SGSM1: variants seen among roughly 807,000 people sequenced by gnomAD.
The protein encoded by SGSM1 is small G protein signaling modulator 1.
SGSM1 carries 73 observed loss-of-function variants against 133.8 expected under a neutral mutation model. The ratio of observed to expected loss-of-function variants is 0.55; its 90% CI spans 0.45 to 0.66. The LOEUF (loss-of-function observed/expected upper bound fraction) is 0.66, where lower values mean the gene tolerates loss of function less well. Among genes scored for constraint, SGSM1 ranks in the 30% least tolerant of loss-of-function variants. SGSM1 has a pLI of 0.00. For missense variants in SGSM1, 1,213 were observed against 1,448.1 expected, an observed-to-expected ratio of 0.84 and a Z score of 2.64; for synonymous variants, 563 against 573.0, an observed-to-expected ratio of 0.98 and a Z score of 0.25.
chr22:24,878,493 T>C (rs1932146517), intron 13 of SGSM1, among the ~76,000 whole-genome samples: 1 of 152,188 alleles, frequency 6.6e-6, no homozygotes, highest in Non-Finnish European at 1.5e-5. Flanking sequence ...CCTAACTGTC[T>C]CAATGTGCCT....
intron 22 of SGSM1, among the ~76,000 whole-genome samples, 191 bp downstream of exon 22, chr22:24,912,943 C>A (rs1206142450): frequency 6.6e-6 from 1 of 152,000 alleles, no homozygotes; most frequent in African/African-American, 2.4e-5. Context: ...GGTTTTCTCA[C>A]TTATATGAGT....
At chr22:24,841,396 G>T (rs1254931162) in intron 2 of SGSM1, among the ~76,000 whole-genome samples, 1 of 152,228 alleles carries the variant, frequency 6.6e-6, no homozygotes, top group African/African-American at 2.4e-5. Context: ...CCTGGAGAAT[G>T]TTCCATGTGC....
chr22:24,900,414 T>TCTTTCTCTTTCTTTCTTTCTTTCTTTC (rs1484572431), intron 19 of SGSM1, among the ~76,000 whole-genome samples: 1 of 146,164 alleles, frequency 6.8e-6, no homozygotes, highest in African/African-American at 2.6e-5. Flanking sequence ...TTTCTGTATT[T>TCTTTCTCTTTCTTTCTTTCTTTCTTTC]TTGAGACAGA....
At position 24,924,346 on chromosome 22, in the gene SGSM1, T is replaced by C; in HGVS notation, c.*72T>C. 1 of 1,387,998 alleles carries C rather than the reference T, an allele frequency of 7.2e-7. No homozygotes were observed. Among genetic ancestry groups the C allele is most frequent in the Non-Finnish European group, 1.0e-6 (1 of 982,650 alleles). 86.0% of individuals were successfully genotyped at this position (1,387,998 alleles called of 1,614,324 possible). On this transcript the variant is annotated 3_prime_UTR_variant, in exon 25 of 25. Coordinates refer to ENST00000400358, the MANE Select transcript of SGSM1 (RefSeq NM_001098497.3). The stretch of plus-strand genomic sequence containing the variant: ...TCCTCTGCTTACTTTTCCTCCTGGC[T>C]GGATGGGCACCCCGGGAGCGGGGTC...
intron 2 of SGSM1, among the ~76,000 whole-genome samples, chr22:24,813,191 A>G (rs1453737406): frequency 6.6e-6 from 1 of 152,206 alleles, no homozygotes; most frequent in Non-Finnish European, 1.5e-5. Flanking sequence ...CTGGGAGGCC[A>G]GTGAGGCTGG....
intron 2 of SGSM1, among the ~76,000 whole-genome samples, chr22:24,815,513 C>T (rs10854780): frequency 0.054 from 8,228 of 152,132 alleles, 435 homozygotes; most frequent in Admixed American, 0.15. Context: ...GAGGCCGAGG[C>T]AGGCGGATCA....
At chr22:24,882,246 T>A (rs1339643386) in intron 14 of SGSM1, among the ~76,000 whole-genome samples, 1 of 152,074 alleles carries the variant, frequency 6.6e-6, no homozygotes, top group Non-Finnish European at 1.5e-5. Flanking sequence ...TTTTGTATTT[T>A]TTTTGTAGAG....
rs1361153713 is a variant in SGSM1, at chr22:24,893,523, T to C, written c.1863T>C (p.His621=). ...AIVRQRERES[H]AAALAKCSSG... is the part of the protein sequence containing the mutation. ...TGCGGCAGAGGGAGCGGGAGTCCCA[T>C]GCGGCCGCCCTGGCCAAATGCTCAT... is the stretch of plus-strand genomic sequence containing the variant. Residue 621 remains histidine, a synonymous_variant, in exon 17 of 25, where the codon CAT becomes CAC. Coordinates refer to ENST00000400358, the MANE Select transcript of SGSM1 (RefSeq NM_001098497.3). 1.9e-6 allele frequency: 3 copies of C among 1,612,236 alleles called. No individual in the cohort carries two copies. In the African/African-American group the frequency reaches 4.0e-5, roughly 22 times the overall value.
intron 12 of SGSM1, among the ~76,000 whole-genome samples, chr22:24,873,619 G>A (rs1221732086): frequency 6.6e-6 from 1 of 152,126 alleles, no homozygotes; most frequent in Non-Finnish European, 1.5e-5. Context: ...GGGAGGCTGA[G>A]GCGGGAGGAT....
intron 2 of SGSM1, among the ~76,000 whole-genome samples, chr22:24,811,539 G>A (rs1927742146): frequency 6.6e-6 from 1 of 152,084 alleles, no homozygotes; most frequent in Non-Finnish European, 1.5e-5. Context: ...ATGGACTTAG[G>A]CCATAGAAGA....
Position 24,868,402 on chromosome 22 carries a change from G to A in SGSM1, c.1021G>A (p.Val341Ile). ...QVDSGGTVVL[V>I]SQDGIQRPPF... ...TGACAGCGGCGGGACAGTGGTATTGGTCAGCCAGGACGGGATCCAGAGGCC... is the reference window on the plus strand; with the variant it reads ...TGACAGCGGCGGGACAGTGGTATTGATCAGCCAGGACGGGATCCAGAGGCC... The change falls in exon 11 of 25, where the codon GTC (valine) becomes ATC (isoleucine). Residue 341 changes from valine to isoleucine, a missense_variant. Coordinates refer to ENST00000400358, the MANE Select transcript of SGSM1 (RefSeq NM_001098497.3). 6.2e-7 allele frequency: 1 copy of A among 1,613,196 alleles called. No individual in the cohort carries two copies.
At chr22:24,916,248 G>T (rs1229010517) in intron 22 of SGSM1, among the ~76,000 whole-genome samples, 3 of 152,000 alleles carry the variant, frequency 2.0e-5, no homozygotes, top group Non-Finnish European at 4.4e-5. Context: ...AAACCAAGGA[G>T]CTACTTTCTG....
At chr22:24,914,472 TC>T (rs34620582) in intron 22 of SGSM1, among the ~76,000 whole-genome samples, 4,600 of 146,600 alleles carry the variant, frequency 0.031, 77 homozygotes, top group African/African-American at 0.037. Context: ...CGAGACTCTG[TC>T]CCCCCCCCCA....
intron 2 of SGSM1, among the ~76,000 whole-genome samples, chr22:24,820,091 G>A (rs752724065): frequency 6.6e-6 from 1 of 152,112 alleles, no homozygotes; most frequent in Non-Finnish European, 1.5e-5. Context: ...GTGTGGGCTG[G>A]GAATGGAAAA....
rs191407483 is a variant in SGSM1 at position 24,926,941 on chromosome 22, A to G, written c.*2667A>G. The G allele has an allele frequency of 1.6e-4, 25 of 151,890 alleles. No individual in the cohort carries two copies. The highest frequency in any genetic ancestry group is 5.6e-4 in the African/African-American group (23 of 41,396). The allele number at this position is 151,890 out of a possible 1,614,324, so 9.4% of individuals were successfully genotyped here. A position where few individuals can be genotyped will look rare whatever the true frequency, so the allele number is the denominator to read the frequency against. ...CCCACTCACACCCCAGTGACCCTAT[A>G]TGGGGTCAGATTTTTGTAATAGCTG... On this transcript the variant is annotated 3_prime_UTR_variant, in exon 25 of 25. Coordinates refer to ENST00000400358, the MANE Select transcript of SGSM1 (RefSeq NM_001098497.3).
At chr22:24,880,840 G>A (rs80347143) in intron 14 of SGSM1, among the ~76,000 whole-genome samples, 4,848 of 152,292 alleles carry the variant, frequency 0.032, 107 homozygotes, top group Middle Eastern at 0.054. Context: ...AGATCCCAGC[G>A]ATGCGACTTG....
Position 24,806,244 on chromosome 22 carries a change from A to T in SGSM1, c.-82A>T. On this transcript the variant is annotated 5_prime_UTR_variant, in exon 1 of 25. Transcript: ENST00000400358. ...CTCGGCCCCGCCCCGCCGCGGCTGC[A>T]GCAGCAGCGCCGCGGCCGGAGGAGC... 7.6e-7 allele frequency: 1 copy of T among 1,314,952 alleles called. No homozygotes were observed. 81.5% of individuals were successfully genotyped at this position (1,314,952 alleles called of 1,614,324 possible). A position where few individuals can be genotyped will look rare whatever the true frequency, so the allele number is the denominator to read the frequency against.
chr22:24,905,209 T>G (rs772594518), intron 21 of SGSM1, 22 bp downstream of exon 21: 1 of 1,609,466 alleles, frequency 6.2e-7, no homozygotes, highest in African/African-American at 1.3e-5. Flanking sequence ...TTTACTGCCC[T>G]AGGGCTGAGG....
chr22:24,912,572 G>A, intron 21 of SGSM1, 71 bp from the exon 22 acceptor site: 1 of 1,009,438 alleles, frequency 9.9e-7, no homozygotes, highest in African/African-American at 1.6e-5. Flanking sequence ...CATGAGATTT[G>A]GAGAGGACAA....
Sources: allele counts gnomAD v4.1 joint callset (sites outside exome capture counted in the v4.1 genomes callset), GRCh38; gene constraint gnomAD v4.1.1; transcripts MANE v1.5; gene names NCBI Gene and HGNC (gene_info 2026-07-23, HGNC 2026-07-21).